The following RBFOX1 variants were observed in gnomAD, a reference collection of about 807,000 sequenced individuals.
RBFOX1 encodes RNA binding protein fox-1 homolog 1.
RBFOX1 carries 8 observed loss-of-function variants against 57.7 expected under a neutral mutation model. That is an observed-to-expected ratio of 0.14 (90% CI 0.08 to 0.25). The LOEUF is 0.25. RBFOX1 is among the 10% of genes least tolerant of loss of function. RBFOX1 has a pLI of 1.00. For missense variants in RBFOX1, 611 were observed against 548.5 expected, an observed-to-expected ratio of 1.11 and a Z score of -1.14; for synonymous variants, 326 against 222.4, an observed-to-expected ratio of 1.47 and a Z score of -4.15.
chr16:7,619,268 G>A (rs1486145307), intron 10 of RBFOX1, among the ~76,000 whole-genome samples: 1 of 152,078 alleles, frequency 6.6e-6, no homozygotes, highest in Non-Finnish European at 1.5e-5. Context: ...ATGTGCATGT[G>A]ATATTGTAAA....
intron 4 of RBFOX1, among the ~76,000 whole-genome samples, chr16:7,160,993 C>G (rs1186290136): frequency 1.3e-5 from 2 of 152,178 alleles, no homozygotes; most frequent in Admixed American, 1.3e-4. Flanking sequence ...GAAGCTAACC[C>G]TTTATTTTCT....
chr16:5,285,238 T>G (rs1007991180), intron 1 of RBFOX1, among the ~76,000 whole-genome samples: 3 of 152,212 alleles, frequency 2.0e-5, no homozygotes, highest in Admixed American at 6.5e-5. Flanking sequence ...TAGTCTATTG[T>G]TAAAGCTGTC....
At chr16:6,877,142 C>CA (rs1199074976) in intron 3 of RBFOX1, among the ~76,000 whole-genome samples, 1 of 152,014 alleles carries the variant, frequency 6.6e-6, no homozygotes, top group East Asian at 1.9e-4. Flanking sequence ...CAACAGTAAA[C>CA]AAAAAAGCAG....
chr16:5,598,595 A>T (rs1309505467), intron 2 of RBFOX1, among the ~76,000 whole-genome samples: 1 of 152,234 alleles, frequency 6.6e-6, no homozygotes, highest in Non-Finnish European at 1.5e-5. Context: ...ATGAAATATT[A>T]ATATTAATGA....
intron 1 of RBFOX1, among the ~76,000 whole-genome samples, chr16:6,237,917 C>G (rs1238549342): frequency 6.6e-6 from 1 of 151,358 alleles, no homozygotes; most frequent in Non-Finnish European, 1.5e-5. Flanking sequence ...CATGTGAAAC[C>G]CTGCCTCTAC....
intron 3 of RBFOX1, among the ~76,000 whole-genome samples, chr16:6,740,975 T>A (rs1031689542): frequency 2.0e-5 from 3 of 152,202 alleles, no homozygotes; most frequent in Non-Finnish European, 4.4e-5. Context: ...CAAGACGTTA[T>A]GTAACTCCAG....
At chr16:6,474,590 C>G (rs1057087887) in intron 2 of RBFOX1, among the ~76,000 whole-genome samples, 1 of 152,174 alleles carries the variant, frequency 6.6e-6, no homozygotes, top group Non-Finnish European at 1.5e-5. Context: ...CTGGGCTGTT[C>G]TATGCTACTT....
intron 1 of RBFOX1, among the ~76,000 whole-genome samples, chr16:5,359,080 C>T (rs968167938): frequency 5.3e-5 from 8 of 152,152 alleles, no homozygotes; most frequent in African/African-American, 1.9e-4. Context: ...GTTTCTGTGC[C>T]TGGCTTATTT....
chr16:6,434,167 A>G (rs970112681), intron 2 of RBFOX1, among the ~76,000 whole-genome samples: 1 of 152,128 alleles, frequency 6.6e-6, no homozygotes, highest in African/African-American at 2.4e-5. Context: ...GGCACTTGTG[A>G]TAACATAAGA....
At chr16:7,164,151 G>T (rs571509571) in intron 4 of RBFOX1, among the ~76,000 whole-genome samples, 2 of 152,136 alleles carry the variant, frequency 1.3e-5, no homozygotes, top group African/African-American at 4.8e-5. Context: ...AGAATCCACT[G>T]TATCATTCTT....
chr16:6,573,173 C>T (rs923178648), intron 2 of RBFOX1, among the ~76,000 whole-genome samples: 1 of 152,148 alleles, frequency 6.6e-6, no homozygotes, highest in African/African-American at 2.4e-5. Context: ...ACTTTACCAT[C>T]ATTTCTATGT....
At chr16:7,673,112 G>A (rs866173973) in intron 13 of RBFOX1, among the ~76,000 whole-genome samples, 5 of 152,068 alleles carry the variant, frequency 3.3e-5, no homozygotes, top group East Asian at 1.9e-4. Context: ...TGCGTAACAC[G>A]TACATGTTAC....
At chr16:6,888,103 G>A (rs561376968) in intron 3 of RBFOX1, among the ~76,000 whole-genome samples, 5 of 152,216 alleles carry the variant, frequency 3.3e-5, no homozygotes, top group Admixed American at 2.0e-4. Flanking sequence ...AGCCTCATAA[G>A]CTTTACAATT....
intron 2 of RBFOX1, among the ~76,000 whole-genome samples, chr16:6,517,119 C>T (rs2096395698): frequency 6.6e-6 from 1 of 152,062 alleles, no homozygotes; most frequent in African/African-American, 2.4e-5. Flanking sequence ...TTGTTGTGGG[C>T]CACTTGTGAC....
At chr16:7,265,427 C>G (rs762160138) in intron 4 of RBFOX1, among the ~76,000 whole-genome samples, 28 of 151,474 alleles carry the variant, frequency 1.8e-4, no homozygotes, top group Non-Finnish European at 3.5e-4. Flanking sequence ...CTTTTCTTTC[C>G]TTTATTCATT....
chr16:6,675,853 G>A (rs2057546427), intron 3 of RBFOX1, among the ~76,000 whole-genome samples: 1 of 152,190 alleles, frequency 6.6e-6, no homozygotes, highest in African/African-American at 2.4e-5. Context: ...GGGAATAATG[G>A]GAGCTACAGT....
intron 3 of RBFOX1, among the ~76,000 whole-genome samples, chr16:6,864,421 C>T (rs928578218): frequency 2.0e-5 from 3 of 152,030 alleles, no homozygotes; most frequent in African/African-American, 7.2e-5. Flanking sequence ...TTTGTGAAAT[C>T]ACCAACAATT....
At chr16:7,421,026 C>T (rs776267582) in intron 4 of RBFOX1, among the ~76,000 whole-genome samples, 5 of 151,602 alleles carry the variant, frequency 3.3e-5, no homozygotes, top group East Asian at 1.9e-4. Context: ...GAAATTGTGA[C>T]GCCTCCACTT....
intron 1 of RBFOX1, among the ~76,000 whole-genome samples, chr16:6,063,889 T>C (rs1054682655): frequency 1.3e-5 from 2 of 152,196 alleles, no homozygotes; most frequent in East Asian, 3.9e-4. Flanking sequence ...CCAAGATTTC[T>C]CTCTCCAGAA....
Sources: allele counts gnomAD v4.1 joint callset (sites outside exome capture counted in the v4.1 genomes callset), GRCh38; gene constraint gnomAD v4.1.1; transcripts MANE v1.5; gene names NCBI Gene and HGNC (gene_info 2026-07-23, HGNC 2026-07-21).